Variants in DGCR2 observed in about 807,000 individuals in gnomAD.
DGCR2 encodes the protein integral membrane protein DGCR2/IDD.
Under a neutral mutation model 51.6 loss-of-function variants are expected in DGCR2, and 24 were observed. The ratio of observed to expected loss-of-function variants is 0.47; its 90% confidence interval spans 0.34 to 0.65. The LOEUF (loss-of-function observed/expected upper bound fraction) is 0.65, where lower values mean the gene tolerates loss of function less well. DGCR2 is among the 30% of genes least tolerant of loss of function. DGCR2 has a pLI of 0.01. For missense variants in DGCR2, 765 were observed against 772.1 expected, an observed-to-expected ratio of 0.99 and a Z score of 0.11; for synonymous variants, 340 against 315.4, an observed-to-expected ratio of 1.08 and a Z score of -0.82.
At chr22:19,046,761 G>A (rs370708506) in intron 7 of DGCR2, 29 of 446,330 alleles carry the variant, frequency 6.5e-5, no homozygotes, top group Middle Eastern at 7.1e-4. Context: ...CGCTCTGGCC[G>A]TGCAGGAGAG....
intron 2 of DGCR2, among the ~76,000 whole-genome samples, chr22:19,074,257 T>C (rs2082849139): frequency 6.6e-6 from 1 of 151,790 alleles, no homozygotes; most frequent in South Asian, 2.1e-4. Context: ...AAACCCTGTC[T>C]CTACTAAAAA....
At chr22:19,062,460 T>A (rs1313668912) in intron 5 of DGCR2, among the ~76,000 whole-genome samples, 1 of 152,204 alleles carries the variant, frequency 6.6e-6, no homozygotes, top group Non-Finnish European at 1.5e-5. Context: ...TTAGAGATAC[T>A]TAAGACATCA....
chr22:19,089,909 C>G (rs2083059850), intron 1 of DGCR2, among the ~76,000 whole-genome samples: 1 of 152,200 alleles, frequency 6.6e-6, no homozygotes, highest in African/African-American at 2.4e-5. Flanking sequence ...CAGGTTTTAT[C>G]AGAACACAGC....
rs1445463979 is a variant in DGCR2 at position 19,036,905 on chromosome 22, C to T, written c.*1960G>A. On this transcript the variant is annotated 3_prime_UTR_variant, in exon 10 of 10. Transcript: ENST00000263196. The stretch of plus-strand genomic sequence containing the variant: ...AAGGAAGCGTCCCAGTCCCACACAT[C>T]TCGTGCCAGCCACCCTGTCCCGCAC... 1 of 152,652 alleles carries T rather than the reference C, an allele frequency of 6.6e-6. No homozygotes were observed. Among genetic ancestry groups the T allele is most frequent in the Admixed American group, 6.5e-5 (1 of 15,310 alleles). 9.5% of individuals were successfully genotyped at this position (152,652 alleles called of 1,614,324 possible). A position where few individuals can be genotyped will look rare whatever the true frequency, so the allele number is the denominator to read the frequency against.
intron 1 of DGCR2, among the ~76,000 whole-genome samples, chr22:19,120,947 G>A (rs952279595): frequency 6.6e-6 from 1 of 152,254 alleles, no homozygotes; most frequent in African/African-American, 2.4e-5. Context: ...GGGGAGACCA[G>A]AGAAGCATCA....
chr22:19,119,676 C>T (rs1483925389), intron 1 of DGCR2, among the ~76,000 whole-genome samples: 6 of 142,518 alleles, frequency 4.2e-5, no homozygotes, highest in Admixed American at 7.5e-5. Context: ...GTGGAGGTTG[C>T]AGTGGGCCAA....
At chr22:19,110,155 G>T (rs1331832347) in intron 1 of DGCR2, among the ~76,000 whole-genome samples, 3 of 152,222 alleles carry the variant, frequency 2.0e-5, no homozygotes, top group Non-Finnish European at 4.4e-5. Flanking sequence ...TTGAACACAA[G>T]ATTTAACACA....
intron 6 of DGCR2, among the ~76,000 whole-genome samples, chr22:19,054,078 T>A (rs1373828242): frequency 6.6e-6 from 1 of 152,232 alleles, no homozygotes; most frequent in Non-Finnish European, 1.5e-5. Context: ...AAAAAATAGC[T>A]ATAAAGGATA....
chr22:19,084,481 C>T lies in DGCR2; in HGVS notation c.202+4887G>A, dbSNP rs1444172184. 1.5e-4 allele frequency among the ~76,000 whole-genome samples: 22 copies of T among 146,576 alleles called. 1 individual carries two copies. The highest frequency in any genetic ancestry group is 2.4e-4 in the Non-Finnish European group (16 of 66,428). On this transcript the variant is annotated intron_variant, in intron 2 of 9. Coordinates refer to ENST00000263196, the MANE Select transcript of DGCR2 (RefSeq NM_005137.3). ...CTGAGAAGTGAGGGGCCCCTTTGCC[C>T]GGGAGCCGCCCCGTCTGAGAAGTGA...
intron 2 of DGCR2, among the ~76,000 whole-genome samples, chr22:19,083,371 C>T (rs1412605603): frequency 1.3e-5 from 2 of 152,302 alleles, no homozygotes; most frequent in East Asian, 1.9e-4. Context: ...AATCTTGATA[C>T]GGGCAAGGCA....
intron 6 of DGCR2, among the ~76,000 whole-genome samples, chr22:19,052,708 G>C (rs2082562518): frequency 6.6e-6 from 1 of 152,032 alleles, no homozygotes; most frequent in Non-Finnish European, 1.5e-5. Context: ...CTGAGCCTGG[G>C]AGGTTGAGGC....
rs185035414 is a variant in DGCR2, at chr22:19,065,078, G to A, written c.329-11C>T. 9.2e-5 allele frequency: 148 copies of A among 1,612,276 alleles called. No homozygotes were observed. Among genetic ancestry groups the A allele is most frequent in the Non-Finnish European group, 1.2e-4 (143 of 1,179,082 alleles). ...ACTTCCCTAGGAAACATAAAGGACAGAAGGGGAGTTGTCCCCCAAGTTAGG... is the reference window on the plus strand; with the variant it reads ...ACTTCCCTAGGAAACATAAAGGACAAAAGGGGAGTTGTCCCCCAAGTTAGG... On this transcript the variant is annotated splice_polypyrimidine_tract_variant and intron_variant, in intron 3 of 9. Transcript: ENST00000263196.
intron 5 of DGCR2, among the ~76,000 whole-genome samples, chr22:19,059,285 C>T (rs899637376): frequency 3.9e-5 from 6 of 152,034 alleles, no homozygotes; most frequent in Non-Finnish European, 7.4e-5. Context: ...CGAGCACAAT[C>T]GGGTGACGGA....
chr22:19,059,933 C>T (rs1949647456), intron 5 of DGCR2, among the ~76,000 whole-genome samples: 1 of 152,164 alleles, frequency 6.6e-6, no homozygotes, highest in Non-Finnish European at 1.5e-5. Context: ...GAGACCTTCA[C>T]TCACTTTTCT....
chr22:19,093,929 C>T (rs1361435988), intron 1 of DGCR2, among the ~76,000 whole-genome samples: 1 of 151,850 alleles, frequency 6.6e-6, no homozygotes. Context: ...CTGCCTAAGC[C>T]TAGGAGTTGG....
chr22:19,038,867 A>G lies in DGCR2; in HGVS notation c.1651T>C (p.Ter551GlnextTer16). 6.2e-7 allele frequency: 1 copy of G among 1,612,754 alleles called. No individual in the cohort carries two copies. Among genetic ancestry groups the G allele is most frequent in the Non-Finnish European group, 8.5e-7 (1 of 1,179,784 alleles). ...HSRSSLNTVV* is the reference protein window; with the variant it reads ...HSRSSLNTVVQ The stretch of plus-strand genomic sequence containing the variant: ...CGTTGGGGTACAGGCCAGGCCGTCT[A>G]CACCACAGTATTGAGGGAGCTGCGG... Residue 551 changes from the stop codon to glutamine, a stop_lost, in exon 10 of 10, where the codon TAG becomes CAG. Coordinates refer to ENST00000263196, the MANE Select transcript of DGCR2 (RefSeq NM_005137.3).
intron 2 of DGCR2, among the ~76,000 whole-genome samples, chr22:19,073,157 A>T (rs1489436238): frequency 1.3e-5 from 2 of 152,138 alleles, no homozygotes; most frequent in African/African-American, 4.8e-5. Flanking sequence ...CCAGCTACTC[A>T]GGAGGATGAC....
chr22:19,074,231 C>A (rs1226647850), intron 2 of DGCR2, among the ~76,000 whole-genome samples: 1 of 151,932 alleles, frequency 6.6e-6, no homozygotes, highest in Non-Finnish European at 1.5e-5. Flanking sequence ...TCGAGACTAG[C>A]CTGGCCAACA....
intron 3 of DGCR2, 72 bp from the exon 4 acceptor site, chr22:19,065,139 C>G (rs2082734180): frequency 7.8e-7 from 1 of 1,283,996 alleles, no homozygotes; most frequent in Non-Finnish European, 1.1e-6. Context: ...TGTACTCCAT[C>G]AGGGACAGGC....
Sources: gnomAD v4.1 joint callset for allele counts (sites outside exome capture counted in the v4.1 genomes callset) on GRCh38, gnomAD v4.1.1 for gene constraint, MANE v1.5 for transcripts, NCBI Gene and HGNC (gene_info 2026-07-23, HGNC 2026-07-21) for gene names.